The following LAMA1 variants were observed in gnomAD, a reference collection of about 807,000 sequenced individuals.
LAMA1 encodes laminin subunit alpha 1, also known as laminin subunit alpha-1.
A neutral mutation model predicts 348.7 loss-of-function variants in LAMA1; 219 were observed. The ratio of observed to expected loss-of-function variants is 0.63; its 90% CI spans 0.56 to 0.70. LAMA1 has a LOEUF of 0.70. Ranked by LOEUF, LAMA1 falls within the 30% of genes least tolerant of loss-of-function variation. LAMA1 has a pLI of 0.00. For missense variants in LAMA1, 3,744 were observed against 3,888.0 expected (o/e 0.96, Z 0.99); for synonymous variants, 1,487 against 1,491.0 (o/e 1.00, Z 0.06).
In LAMA1 at chr18:7,040,155, T is replaced by C. The variant is rs1225514051; in HGVS notation, c.1343A>G (p.Tyr448Cys). 3.7e-6 allele frequency: 6 copies of C among 1,613,968 alleles called. No individual in the cohort carries two copies. The highest frequency in any genetic ancestry group is 5.1e-6 in the Non-Finnish European group (6 of 1,180,026). The change falls in exon 10 of 63, where the codon TAC becomes TGC. Residue 448 changes from tyrosine to cysteine, a missense_variant. Transcript: ENST00000389658. The stretch of plus-strand genomic sequence containing the variant: ...GCACCCACAGGAGACACAGGTCGGG[T>C]AATCCTTATAGCCAAGTTGGCAGCG... ...CDRCQLGYKD[Y>C]PTCVSCGCNP... is the part of the protein sequence containing the mutation.
chr18:6,966,804 G>T (rs1202009724), intron 48 of LAMA1, among the ~76,000 whole-genome samples: 1 of 152,160 alleles, frequency 6.6e-6, no homozygotes, highest in Non-Finnish European at 1.5e-5. Flanking sequence ...TCTGCAGGAT[G>T]AGCTTAAAGA....
intron 42 of LAMA1, among the ~76,000 whole-genome samples, chr18:6,978,788 A>G (rs4798523): frequency 6.6e-6 from 1 of 152,300 alleles, no homozygotes; most frequent in African/African-American, 2.4e-5. Flanking sequence ...GCTTCATGAA[A>G]CATGTCCTCC....
intron 1 of LAMA1, among the ~76,000 whole-genome samples, chr18:7,094,007 G>A (rs1275605758): frequency 6.6e-6 from 1 of 151,856 alleles, no homozygotes; most frequent in Non-Finnish European, 1.5e-5. Context: ...AATCTCCTAA[G>A]CTCAGGCAGT....
rs2057735355 is a variant in LAMA1, at chr18:6,986,321, A to G, written c.5195T>C (p.Ile1732Thr). ...CAGCGGCTTCTGGTAATTTTCCTGA[A>G]TTTGTGACAATAAATCTTCAGCAGC... The part of the protein sequence containing the change: ...LKAAEDLLSQ[I>T]QENYQKPLEE... The change falls in exon 37 of 63, where the codon ATT (isoleucine) becomes ACT (threonine). Residue 1732 changes from isoleucine to threonine, a missense_variant. Physicochemically the swap from Ile to Thr is moderately conservative, Grantham distance 89. Transcript: ENST00000389658. 1.9e-6 allele frequency: 3 copies of G among 1,614,194 alleles called. No individual in the cohort carries two copies. The highest frequency in any genetic ancestry group is 1.7e-6 in the Non-Finnish European group (2 of 1,180,030).
intron 55 of LAMA1, among the ~76,000 whole-genome samples, chr18:6,957,971 G>C (rs8099108): frequency 6.6e-6 from 1 of 151,940 alleles, no homozygotes; most frequent in African/African-American, 2.4e-5. Flanking sequence ...TAGTAGAGAC[G>C]GGGTTTCACT....
At chr18:6,981,059 T>C (rs555301614) in intron 41 of LAMA1, among the ~76,000 whole-genome samples, 17 of 150,044 alleles carry the variant, frequency 1.1e-4, no homozygotes, top group Non-Finnish European at 1.9e-4. Context: ...GCTGAGATCG[T>C]GCCACTGCAC....
chr18:7,107,814 A>G (rs917417327), intron 1 of LAMA1, among the ~76,000 whole-genome samples: 16 of 151,536 alleles, frequency 1.1e-4, no homozygotes, highest in African/African-American at 3.9e-4. Context: ...GGAGATTGAG[A>G]CCGTCCTGGC....
In LAMA1 at chr18:6,997,742, C is replaced by T; in HGVS notation, c.4806G>A (p.Gln1602=). ...TCATCTCTGTATTTCCAGTACCTACCTGGAGATATTTAGTTGTATTTTCCA... is the reference window on the plus strand; with the variant it reads ...TCATCTCTGTATTTCCAGTACCTACTTGGAGATATTTAGTTGTATTTTCCA... The part of the protein sequence containing the change: ...SNLENTTKYL[Q]ESLLKENMQK... Residue 1602 remains glutamine (Q), a splice_region_variant and synonymous_variant, in exon 33 of 63, where the codon CAG becomes CAA. Transcript: ENST00000389658. 6.2e-7 allele frequency: 1 copy of T among 1,613,598 alleles called. No homozygotes were observed. Among genetic ancestry groups the T allele is most frequent in the Non-Finnish European group, 8.5e-7 (1 of 1,179,546 alleles).
chr18:7,024,308 G>T, intron 18 of LAMA1, 72 bp downstream of exon 18: 2 of 1,134,316 alleles, frequency 1.8e-6, no homozygotes, highest in South Asian at 2.7e-5. Flanking sequence ...ACTTAACTAC[G>T]CATTTAAAAA....
chr18:7,068,744 T>C (rs902545997), intron 3 of LAMA1, among the ~76,000 whole-genome samples: 3 of 152,036 alleles, frequency 2.0e-5, no homozygotes, highest in Admixed American at 6.5e-5. Flanking sequence ...AGCTTTGTTT[T>C]TAAAGATGGA....
chr18:7,037,872 T>G, intron 11 of LAMA1, 121 bp from the exon 12 acceptor site: 1 of 918,200 alleles, frequency 1.1e-6, no homozygotes. Context: ...AGGGATGGCA[T>G]TAACATAACA....
intron 1 of LAMA1, among the ~76,000 whole-genome samples, chr18:7,116,561 G>A (rs2058357334): frequency 6.6e-6 from 1 of 152,122 alleles, no homozygotes; most frequent in Non-Finnish European, 1.5e-5. Flanking sequence ...CGTTTCCCAC[G>A]AGGGCACTGC....
intron 43 of LAMA1, 150 bp downstream of exon 43, chr18:6,978,046 C>A: frequency 7.8e-7 from 1 of 1,281,420 alleles, no homozygotes; most frequent in African/African-American, 1.5e-5. Context: ...ATGCATTTCC[C>A]AAGGTCCTTC....
At chr18:6,971,398 T>C (rs2057657602) in intron 48 of LAMA1, among the ~76,000 whole-genome samples, 1 of 152,200 alleles carries the variant, frequency 6.6e-6, no homozygotes, top group African/African-American at 2.4e-5. Context: ...GAAAAAATTC[T>C]TATCCTTGGA....
Position 6,948,329 on chromosome 18 carries a change from T to C in LAMA1, c.8710+74A>G, listed in dbSNP as rs548168153. On this transcript the variant is annotated intron_variant, in intron 60 of 62. Transcript: ENST00000389658. ...GCCTTGTCCAGTGGGTCCTGTCTTA[T>C]ACTCTTGGATCCACATCGCTTTAGA... The C allele has an allele frequency of 5.5e-4, 883 of 1,592,272 alleles. 14 individuals carry two copies. The South Asian group carries it at 8.5e-3, about 15-fold the overall frequency.
At chr18:6,999,369 C>T (rs525231) in intron 32 of LAMA1, 76 bp downstream of exon 32, 469,041 of 1,403,934 alleles carry the variant, frequency 0.33, 84,171 homozygotes, top group African/African-American at 0.64. Flanking sequence ...GACACTTTAG[C>T]GTGCCGTCAC....
At chr18:7,034,844 A>C (rs997801148) in intron 13 of LAMA1, among the ~76,000 whole-genome samples, 154 bp from the exon 14 acceptor site, 4 of 152,218 alleles carry the variant, frequency 2.6e-5, no homozygotes, top group Non-Finnish European at 5.9e-5. Flanking sequence ...TTGGCCCAGA[A>C]TTATCAGAGA....
chr18:6,963,823 C>T (rs1600353396), intron 51 of LAMA1: 2 of 152,134 alleles, frequency 1.3e-5, no homozygotes, highest in Non-Finnish European at 2.9e-5. Flanking sequence ...GACAATGAAC[C>T]AGCCACACAA....
chr18:6,956,210 T>C (rs998066771), intron 56 of LAMA1: 17 of 340,254 alleles, frequency 5.0e-5, no homozygotes, highest in African/African-American at 3.5e-4. Flanking sequence ...AAAATAGCAA[T>C]GGCTGCCATT....
Sources: gnomAD v4.1 joint callset for allele counts (sites outside exome capture counted in the v4.1 genomes callset) on GRCh38, gnomAD v4.1.1 for gene constraint, MANE v1.5 for transcripts, NCBI Gene and HGNC (gene_info 2026-07-23, HGNC 2026-07-21) for gene names.